Variants in CORO2B observed in about 807,000 individuals in gnomAD.
CORO2B encodes the protein coronin-2B.
In CORO2B, 26 loss-of-function variants were observed where a neutral mutation model predicts 58.8. The observed-to-expected ratio is 0.44, with a 90% CI of 0.32 to 0.61. The LOEUF (loss-of-function observed/expected upper bound fraction) is 0.61. Among genes scored for constraint, CORO2B ranks in the 20% least tolerant of loss-of-function variants. CORO2B has a pLI of 0.04. For missense variants in CORO2B, 460 were observed against 645.1 expected (o/e 0.71, Z 3.11); for synonymous variants, 242 against 253.8 (o/e 0.95, Z 0.44).
At chr15:68,642,519 A>G (rs1283936057) in intron 1 of CORO2B, among the ~76,000 whole-genome samples, 1 of 152,148 alleles carries the variant, frequency 6.6e-6, no homozygotes, top group African/African-American at 2.4e-5. Flanking sequence ...CTGTCTCCCC[A>G]CTAGGCTGGG....
intron 8 of CORO2B, among the ~76,000 whole-genome samples, chr15:68,715,782 G>T (rs556677252): frequency 4.6e-5 from 7 of 152,212 alleles, no homozygotes; most frequent in Non-Finnish European, 7.3e-5. Flanking sequence ...AGGCTCTCAG[G>T]CAGAAACCCA....
intron 1 of CORO2B, among the ~76,000 whole-genome samples, chr15:68,585,402 T>C (rs758639894): frequency 1.3e-5 from 2 of 152,206 alleles, no homozygotes; most frequent in African/African-American, 2.4e-5. Context: ...AAGCAGGCGT[T>C]GGGCACGCAT....
At chr15:68,534,093 T>G in the CORO2B span, among the ~76,000 whole-genome samples, 1 of 152,248 alleles carries the variant, frequency 6.6e-6, no homozygotes, top group Admixed American at 6.5e-5. Context: ...TGCATAATGG[T>G]GGATCCTCTG....
In CORO2B at chr15:68,718,823, G is replaced by C. The variant is rs770804249; in HGVS notation, c.1080+13G>C. On this transcript the variant is annotated intron_variant, in intron 9 of 11. Transcript: ENST00000261861. ...CGTGCCCCGGAGGGTAAGTGGGGCTGGGCTGGGCTCCAGGAGGGGGGCCTG... is the reference window on the plus strand; with the variant it reads ...CGTGCCCCGGAGGGTAAGTGGGGCTCGGCTGGGCTCCAGGAGGGGGGCCTG... The C allele has an allele frequency of 1.1e-5, 17 of 1,603,026 alleles. No individual in the cohort carries two copies. In the South Asian group the frequency reaches 1.9e-4, roughly 18 times the overall value.
chr15:68,571,790 C>G, the CORO2B span, among the ~76,000 whole-genome samples: 1 of 152,188 alleles, frequency 6.6e-6, no homozygotes, highest in Admixed American at 6.5e-5. Context: ...CAAGAAGAGA[C>G]CCTGGCAACC....
intron 1 of CORO2B, among the ~76,000 whole-genome samples, chr15:68,628,879 C>A (rs28664133): frequency 0.027 from 4,133 of 152,242 alleles, 178 homozygotes; most frequent in African/African-American, 0.087. Flanking sequence ...CCTCAGTTTC[C>A]CATGTGATGT....
the CORO2B span, among the ~76,000 whole-genome samples, chr15:68,546,872 CTAA>C: frequency 6.6e-6 from 1 of 152,086 alleles, no homozygotes; most frequent in African/African-American, 2.4e-5. Flanking sequence ...CTAATATTAG[CTAA>C]TGTTTTAAGT....
intron 1 of CORO2B, among the ~76,000 whole-genome samples, chr15:68,589,819 C>T (rs796859415): frequency 6.6e-6 from 1 of 152,216 alleles, no homozygotes; most frequent in Non-Finnish European, 1.5e-5. Context: ...ACTAGGAGCG[C>T]CCTGACCAGA....
At chr15:68,655,829 C>T (rs752072407) in intron 2 of CORO2B, among the ~76,000 whole-genome samples, 54 of 152,182 alleles carry the variant, frequency 3.5e-4, no homozygotes, top group Non-Finnish European at 6.9e-4. Context: ...GCTGTTGTGT[C>T]TCATCTGAGC....
At chr15:68,538,446 G>A in the CORO2B span, among the ~76,000 whole-genome samples, 1 of 152,358 alleles carries the variant, frequency 6.6e-6, no homozygotes, top group South Asian at 2.1e-4. Flanking sequence ...CTCAGCTGCG[G>A]AGGGGCTGGT....
intron 1 of CORO2B, among the ~76,000 whole-genome samples, chr15:68,639,395 G>A (rs1167255330): frequency 6.6e-6 from 1 of 152,202 alleles, no homozygotes; most frequent in Non-Finnish European, 1.5e-5. Context: ...AGTGCCAAAA[G>A]CATTAATCAG....
At chr15:68,699,714 C>T (rs2140316825) in intron 3 of CORO2B, among the ~76,000 whole-genome samples, 2 of 152,278 alleles carry the variant, frequency 1.3e-5, no homozygotes, top group South Asian at 4.1e-4. Context: ...TGGATCCCAA[C>T]CTCTCCTGGA....
At chr15:68,630,258 C>T (rs758530472) in intron 1 of CORO2B, among the ~76,000 whole-genome samples, 1 of 152,136 alleles carries the variant, frequency 6.6e-6, no homozygotes, top group Non-Finnish European at 1.5e-5. Context: ...TCGTGTGCAA[C>T]GGGCAGCATG....
chr15:68,709,602 G>A (rs1024178285), intron 3 of CORO2B, among the ~76,000 whole-genome samples: 1 of 151,618 alleles, frequency 6.6e-6, no homozygotes, highest in Admixed American at 6.6e-5. Context: ...GACTATAAGC[G>A]TGCGCCACTA....
At chr15:68,567,750 G>A in the CORO2B span, among the ~76,000 whole-genome samples, 3 of 152,210 alleles carry the variant, frequency 2.0e-5, no homozygotes, top group Admixed American at 1.3e-4. Flanking sequence ...GGCTGGGCAC[G>A]GTGGCTCATG....
intron 2 of CORO2B, among the ~76,000 whole-genome samples, chr15:68,691,186 G>A (rs1182978580): frequency 2.0e-5 from 3 of 150,542 alleles, no homozygotes; most frequent in East Asian, 2.0e-4. Context: ...AAAATTAGCC[G>A]GGCAAGGTGG....
the CORO2B span, among the ~76,000 whole-genome samples, chr15:68,568,320 G>A: frequency 4.6e-5 from 7 of 151,518 alleles, no homozygotes; most frequent in Non-Finnish European, 1.0e-4. Flanking sequence ...AAGTCGGAGC[G>A]GTTATAAGGA....
chr15:68,646,430 C>T (rs1307936947), intron 2 of CORO2B, among the ~76,000 whole-genome samples: 2 of 152,182 alleles, frequency 1.3e-5, no homozygotes, highest in African/African-American at 4.8e-5. Flanking sequence ...TCAAAATTCA[C>T]TGTCAGCTGG....
At chr15:68,711,324 A>G (rs1398921095) in intron 4 of CORO2B, among the ~76,000 whole-genome samples, 1 of 152,206 alleles carries the variant, frequency 6.6e-6, no homozygotes, top group East Asian at 1.9e-4. Flanking sequence ...AACTGAGCCC[A>G]GGCTGGTGCT....
Sources: gnomAD v4.1 joint callset for allele counts (sites outside exome capture counted in the v4.1 genomes callset) on GRCh38, gnomAD v4.1.1 for gene constraint, MANE v1.5 for transcripts, NCBI Gene and HGNC (gene_info 2026-07-23, HGNC 2026-07-21) for gene names.